The following MAST4 variants were observed in gnomAD, a reference collection of about 807,000 sequenced individuals.
The protein encoded by MAST4 is microtubule associated serine/threonine kinase family member 4.
Under a neutral mutation model 162.7 loss-of-function variants are expected in MAST4, and 89 were observed. The observed-to-expected ratio is 0.55, with a 90% CI of 0.46 to 0.65. The LOEUF (loss-of-function observed/expected upper bound fraction) is 0.65. Ranked by LOEUF, MAST4 falls within the 30% of genes least tolerant of loss-of-function variation. The pLI, the probability that MAST4 is intolerant of heterozygous loss-of-function variation, is 0.00. For missense variants in MAST4, 3,153 were observed against 3,374.0 expected (o/e 0.93, Z 1.62); for synonymous variants, 1,479 against 1,361.1 (o/e 1.09, Z -1.91).
intron 4 of MAST4, among the ~76,000 whole-genome samples, chr5:66,979,380 A>G (rs77249519): frequency 2.0e-5 from 3 of 151,296 alleles, no homozygotes; most frequent in Admixed American, 6.6e-5. Flanking sequence ...CTGGACTAAG[A>G]AAAAAAAATA....
intron 4 of MAST4, among the ~76,000 whole-genome samples, chr5:66,929,761 G>A (rs1334233261): frequency 6.6e-6 from 1 of 152,100 alleles, no homozygotes; most frequent in African/African-American, 2.4e-5. Context: ...GAATGAATTT[G>A]TGTTGGCCAG....
intron 4 of MAST4, among the ~76,000 whole-genome samples, chr5:66,953,257 A>G (rs1744908527): frequency 6.6e-6 from 1 of 152,186 alleles, no homozygotes; most frequent in Non-Finnish European, 1.5e-5. Context: ...TTGGATCTAG[A>G]AAGGAAAGAG....
intron 4 of MAST4, among the ~76,000 whole-genome samples, chr5:67,026,981 G>A (rs1432238468): frequency 6.6e-6 from 1 of 152,064 alleles, no homozygotes; most frequent in African/African-American, 2.4e-5. Flanking sequence ...AATATATCAT[G>A]TTAAATATGG....
intron 1 of MAST4, among the ~76,000 whole-genome samples, chr5:66,637,873 G>A (rs1745225993): frequency 1.3e-5 from 2 of 151,898 alleles, no homozygotes; most frequent in South Asian, 4.2e-4. Flanking sequence ...ACCACACCCA[G>A]CTAACTTTTG....
intron 23 of MAST4, among the ~76,000 whole-genome samples, chr5:67,148,037 A>C (rs945811716): frequency 1.3e-5 from 2 of 152,234 alleles, no homozygotes; most frequent in East Asian, 3.9e-4. Flanking sequence ...CCAAACTACA[A>C]CCATACCACT....
At chr5:66,603,103 G>T (rs117522079) in intron 1 of MAST4, among the ~76,000 whole-genome samples, 1 of 152,190 alleles carries the variant, frequency 6.6e-6, no homozygotes, top group African/African-American at 2.4e-5. Flanking sequence ...AAACCTACAA[G>T]TCCCTTGCCT....
intron 4 of MAST4, among the ~76,000 whole-genome samples, chr5:67,007,383 A>G (rs1752166561): frequency 6.6e-6 from 1 of 152,168 alleles, no homozygotes; most frequent in Non-Finnish European, 1.5e-5. Context: ...TGTCCAGGTG[A>G]GGACACCTTG....
In MAST4 at chr5:66,898,066, G is replaced by A. The variant is rs150155378; in HGVS notation, c.643-1885G>A. 8.6e-4 allele frequency among the ~76,000 whole-genome samples: 131 copies of A among 152,134 alleles called. 1 individual carries two copies. Among genetic ancestry groups the A allele is most frequent in the South Asian group, 1.9e-3 (9 of 4,806 alleles). Reference sequence around the variant, plus strand: ...ATAACACCTCAGGTACCTTTTATGCGGCTGTCAGATCAGCTTATTGGACAG... The same window carrying A: ...ATAACACCTCAGGTACCTTTTATGCAGCTGTCAGATCAGCTTATTGGACAG... On this transcript the variant is annotated intron_variant, in intron 3 of 28. Transcript: ENST00000403625.
At chr5:66,833,676 T>C (rs1182276553) in intron 3 of MAST4, among the ~76,000 whole-genome samples, 1 of 152,224 alleles carries the variant, frequency 6.6e-6, no homozygotes, top group Non-Finnish European at 1.5e-5. Context: ...TATTAGAGAT[T>C]AATGTGAATT....
At chr5:66,970,335 A>T (rs1206306608) in intron 4 of MAST4, among the ~76,000 whole-genome samples, 1 of 152,222 alleles carries the variant, frequency 6.6e-6, no homozygotes, top group Non-Finnish European at 1.5e-5. Context: ...GGCAAGCATA[A>T]TAAACTTACT....
intron 4 of MAST4, among the ~76,000 whole-genome samples, chr5:66,934,565 C>T (rs1251200577): frequency 6.7e-6 from 1 of 150,004 alleles, no homozygotes; most frequent in African/African-American, 2.5e-5. Flanking sequence ...ATTAAGTATT[C>T]ATATATCCCT....
At chr5:66,916,587 C>G (rs997521153) in intron 4 of MAST4, among the ~76,000 whole-genome samples, 1 of 152,196 alleles carries the variant, frequency 6.6e-6, no homozygotes, top group Admixed American at 6.5e-5. Flanking sequence ...ATCCCTGTCT[C>G]TATCCACAAC....
At chr5:66,997,434 T>TC (rs1750783778) in intron 4 of MAST4, among the ~76,000 whole-genome samples, 2 of 119,876 alleles carry the variant, frequency 1.7e-5, no homozygotes, top group African/African-American at 7.4e-5. Flanking sequence ...TTCTTTTCTC[T>TC]TTTTTTTTTT....
chr5:66,955,297 C>A (rs1172265462), intron 4 of MAST4, among the ~76,000 whole-genome samples: 1 of 151,180 alleles, frequency 6.6e-6, no homozygotes, highest in African/African-American at 2.4e-5. Context: ...AGTTCAGGAG[C>A]AGGATGTTTG....
At position 67,011,775 on chromosome 5, in the gene MAST4, A is replaced by G. The variant is rs145070000; in HGVS notation, c.675-42629A>G. 1.4e-3 allele frequency among the ~76,000 whole-genome samples: 211 copies of G among 152,340 alleles called. 5 individuals carry two copies. Among genetic ancestry groups the G allele is most frequent in the African/African-American group, 4.9e-3 (205 of 41,574 alleles). ...TTCAAAAATGTTGCTTTTAGCTTCT[A>G]GTGTGAAACTTACAGTAGGAGATCA... On this transcript the variant is annotated intron_variant, in intron 4 of 28. Transcript: ENST00000403625.
intron 3 of MAST4, among the ~76,000 whole-genome samples, chr5:66,887,337 G>T (rs1054313890): frequency 3.9e-5 from 6 of 152,182 alleles, no homozygotes; most frequent in African/African-American, 1.4e-4. Context: ...CCTTTATGAT[G>T]CCAGAGTTGT....
intron 5 of MAST4, among the ~76,000 whole-genome samples, chr5:67,073,995 TAAA>T (rs1761284041): frequency 6.6e-6 from 1 of 152,054 alleles, no homozygotes; most frequent in South Asian, 2.1e-4. Context: ...TTCTGTAAGT[TAAA>T]AAATACTGTA....
intron 1 of MAST4, among the ~76,000 whole-genome samples, chr5:66,626,982 G>A (rs533055629): frequency 6.6e-6 from 1 of 152,282 alleles, no homozygotes; most frequent in South Asian, 2.1e-4. Context: ...ACTAGCAAAG[G>A]ATACTAAGTC....
At chr5:66,909,844 A>C (rs918473190) in intron 4 of MAST4, among the ~76,000 whole-genome samples, 1 of 152,214 alleles carries the variant, frequency 6.6e-6, no homozygotes, top group South Asian at 2.1e-4. Flanking sequence ...ATGGTGGTGA[A>C]TAAGTCTCAC....
Sources: allele counts gnomAD v4.1 joint callset (sites outside exome capture counted in the v4.1 genomes callset), GRCh38; gene constraint gnomAD v4.1.1; transcripts MANE v1.5; gene names NCBI Gene and HGNC (gene_info 2026-07-23, HGNC 2026-07-21).